COL4A2: variants seen among roughly 807,000 people sequenced by gnomAD.
COL4A2 encodes collagen alpha-2(IV) chain.
COL4A2 carries 99 observed loss-of-function variants against 200.2 expected under a neutral mutation model. The observed-to-expected ratio is 0.49, with a 90% CI of 0.42 to 0.58. COL4A2 has a LOEUF of 0.58. COL4A2 is among the 20% of genes least tolerant of loss of function. The pLI, the probability that COL4A2 is intolerant of heterozygous loss-of-function variation, is 0.00. For missense variants in COL4A2, 1,950 were observed against 2,314.1 expected (o/e 0.84, Z 3.23); for synonymous variants, 897 against 900.6 (o/e 1.00, Z 0.07).
chr13:110,466,169 C>T (rs1050247316), intron 26 of COL4A2, 107 bp downstream of exon 26: 3 of 1,326,108 alleles, frequency 2.3e-6, no homozygotes, highest in Non-Finnish European at 3.1e-6. Context: ...ATAATATGTG[C>T]AAGCCACGTT....
At chr13:110,415,195 T>C (rs1489646272) in intron 4 of COL4A2, among the ~76,000 whole-genome samples, 1 of 152,232 alleles carries the variant, frequency 6.6e-6, no homozygotes, top group African/African-American at 2.4e-5. Flanking sequence ...TTGCTGATAG[T>C]GGTGGTTACA....
Position 110,307,987 on chromosome 13 carries a change from C to T in COL4A2, c.44+40C>T, listed in dbSNP as rs963758553. The T allele has an allele frequency of 6.8e-6, 11 of 1,611,874 alleles. No individual in the cohort carries two copies. Among genetic ancestry groups the T allele is most frequent in the African/African-American group, 4.0e-5 (3 of 74,934 alleles). On this transcript the variant is annotated intron_variant, in intron 2 of 47. Coordinates refer to ENST00000360467, the MANE Select transcript of COL4A2 (RefSeq NM_001846.4). The surrounding 1 kb of genome is among the most constrained non-coding windows in gnomAD (Gnocchi z 5.0). The stretch of plus-strand genomic sequence containing the variant: ...GCCTGGTCCCCGTGGGTCACGCGCG[C>T]ATGGACCCTTCGGTGTAACTCTCGG...
intron 4 of COL4A2, among the ~76,000 whole-genome samples, chr13:110,423,481 C>T (rs540138153): frequency 2.0e-5 from 3 of 152,214 alleles, no homozygotes; most frequent in Admixed American, 1.3e-4. Context: ...ATAGCAAATA[C>T]GTGCTGGGCT....
At chr13:110,402,120 GC>G (rs931078964) in intron 4 of COL4A2, among the ~76,000 whole-genome samples, 8 of 152,168 alleles carry the variant, frequency 5.3e-5, no homozygotes, top group African/African-American at 1.9e-4. Flanking sequence ...CATTCTAATA[GC>G]CCCCAAAAGT....
At chr13:110,457,587 A>C (rs1255318249) in intron 21 of COL4A2, 152 bp downstream of exon 21, 20 of 702,832 alleles carry the variant, frequency 2.8e-5, no homozygotes, top group Non-Finnish European at 5.3e-5. Flanking sequence ...TGGCGGTGGC[A>C]CTGAGAGGGA....
At chr13:110,330,075 C>T (rs998597817) in intron 3 of COL4A2, among the ~76,000 whole-genome samples, 1 of 152,144 alleles carries the variant, frequency 6.6e-6, no homozygotes. Flanking sequence ...TTTGGAAGCA[C>T]TGTGACAGTT....
At chr13:110,377,104 G>A (rs370385478) in intron 4 of COL4A2, among the ~76,000 whole-genome samples, 2 of 152,056 alleles carry the variant, frequency 1.3e-5, no homozygotes, top group East Asian at 3.9e-4. Flanking sequence ...CTTAGACTTG[G>A]GTGGTGAGTG....
At chr13:110,356,595 T>C (rs1877276915) in intron 3 of COL4A2, among the ~76,000 whole-genome samples, 1 of 152,168 alleles carries the variant, frequency 6.6e-6, no homozygotes, top group South Asian at 2.1e-4. Flanking sequence ...TCCAGGCACA[T>C]GCTCCACATG....
Position 110,436,285 on chromosome 13 carries a change from C to G in COL4A2, c.743C>G (p.Pro248Arg). ...AATATGCAGGGTGACGTAGGGCAGC[C>G]GGGACCCAACGGGATTCCATCAGAC... ...VKGEKGDVGQ[P>R]GPNGIPSDTL... The change falls in exon 13 of 48, where the codon CCG becomes CGG. Residue 248 changes from proline (P) to arginine (R), a missense_variant. Pro to Arg is a moderately radical substitution (Grantham distance 103). Coordinates refer to ENST00000360467, the MANE Select transcript of COL4A2 (RefSeq NM_001846.4). 1 of 1,613,840 alleles carries G rather than the reference C, an allele frequency of 6.2e-7. No individual in the cohort carries two copies. The highest frequency in any genetic ancestry group is 1.3e-5 in the African/African-American group (1 of 74,890).
intron 37 of COL4A2, 63 bp from the exon 38 acceptor site, chr13:110,492,007 A>C: frequency 7.0e-7 from 1 of 1,426,952 alleles, no homozygotes. Flanking sequence ...TCCTGCCAGG[A>C]CCTCACCACA....
chr13:110,464,427 G>T (rs993586988), intron 24 of COL4A2, among the ~76,000 whole-genome samples: 1 of 152,172 alleles, frequency 6.6e-6, no homozygotes, highest in African/African-American at 2.4e-5. Context: ...TCGTGATCCT[G>T]CCTGTGCCAC....
chr13:110,343,509 G>A (rs1594158720), intron 3 of COL4A2, among the ~76,000 whole-genome samples: 1 of 152,154 alleles, frequency 6.6e-6, no homozygotes, highest in Non-Finnish European at 1.5e-5. Context: ...CAGGAGAAAG[G>A]GCGGGGCAGA....
rs182278784 is a variant in COL4A2 at position 110,506,573 on chromosome 13, G to C, written c.4561G>C (p.Glu1521Gln). The C allele has an allele frequency of 2.5e-6, 4 of 1,612,574 alleles. No homozygotes were observed. The South Asian group carries it at 3.3e-5, about 13-fold the overall frequency. Residue 1521 changes from glutamate to glutamine, a missense_variant, in exon 46 of 48, where the codon GAG becomes CAG. Transcript: ENST00000360467. ...LWSGYSLLYF[E>Q]GQEKAHNQDL... ...GAGTGGATACAGCCTGCTGTACTTC[G>C]AGGGCCAGGAGAAGGCGCACAACCA... is the stretch of plus-strand genomic sequence containing the variant.
At chr13:110,332,564 G>C (rs1351710611) in intron 3 of COL4A2, among the ~76,000 whole-genome samples, 1 of 152,146 alleles carries the variant, frequency 6.6e-6, no homozygotes, top group South Asian at 2.1e-4. Context: ...TTGTCCTCTT[G>C]AGTTTGAACA....
chr13:110,378,612 A>G (rs1374481528), intron 4 of COL4A2, among the ~76,000 whole-genome samples: 1 of 152,246 alleles, frequency 6.6e-6, no homozygotes, highest in Non-Finnish European at 1.5e-5. Context: ...TTTCCAAGAA[A>G]CAGAAATAAT....
intron 17 of COL4A2, among the ~76,000 whole-genome samples, chr13:110,446,226 G>A (rs1230813025): frequency 6.6e-6 from 1 of 152,104 alleles, no homozygotes; most frequent in African/African-American, 2.4e-5. Flanking sequence ...AGTAATTCCT[G>A]GGCTTGCAGG....
At chr13:110,361,799 G>A (rs1441156242) in intron 4 of COL4A2, among the ~76,000 whole-genome samples, 1 of 152,168 alleles carries the variant, frequency 6.6e-6, no homozygotes, top group African/African-American at 2.4e-5. Context: ...GGCCTGAAGA[G>A]GCAAGGCAGG....
At chr13:110,347,486 C>T (rs1177063072) in intron 3 of COL4A2, among the ~76,000 whole-genome samples, 2 of 152,198 alleles carry the variant, frequency 1.3e-5, no homozygotes, top group African/African-American at 2.4e-5. Context: ...ATTCATGTTC[C>T]CAGTTGGCCC....
At chr13:110,379,686 G>A (rs1473001666) in intron 4 of COL4A2, among the ~76,000 whole-genome samples, 3 of 152,128 alleles carry the variant, frequency 2.0e-5, no homozygotes, top group Non-Finnish European at 4.4e-5. Context: ...CGGAAGTGCG[G>A]GCTGCTGGGC....
Sources: gnomAD v4.1 joint callset for allele counts (sites outside exome capture counted in the v4.1 genomes callset) on GRCh38, gnomAD v4.1.1 for gene constraint, Gnocchi (gnomAD v3.1) non-coding constraint, MANE v1.5 for transcripts, NCBI Gene and HGNC (gene_info 2026-07-23, HGNC 2026-07-21) for gene names.